RGS6: variants seen among roughly 807,000 people sequenced by gnomAD.
RGS6 encodes the protein regulator of G-protein signaling 6.
A neutral mutation model predicts 78.5 loss-of-function variants in RGS6; 30 were observed. The observed-to-expected ratio is 0.38, with a 90% confidence interval of 0.29 to 0.52. The LOEUF is 0.52. Among genes scored for constraint, RGS6 ranks in the 20% least tolerant of loss-of-function variants. RGS6 has a pLI of 0.85. For missense variants in RGS6, 495 were observed against 609.7 expected (o/e 0.81, Z 1.98); for synonymous variants, 206 against 206.0 (o/e 1.00, Z 0.00).
At chr14:72,628,809 A>G in the RGS6 span, among the ~76,000 whole-genome samples, 1 of 152,348 alleles carries the variant, frequency 6.6e-6, no homozygotes, top group African/African-American at 2.4e-5. Flanking sequence ...TACTCAGTCA[A>G]ATACAGTCAT....
intron 2 of RGS6, among the ~76,000 whole-genome samples, chr14:72,111,246 A>C (rs1331891329): frequency 6.6e-6 from 1 of 152,220 alleles, no homozygotes; most frequent in East Asian, 1.9e-4. Context: ...AAAGTAAATG[A>C]CATCCAACTC....
intron 2 of RGS6, among the ~76,000 whole-genome samples, chr14:72,176,623 A>C (rs2153691856): frequency 6.6e-6 from 1 of 152,340 alleles, no homozygotes; most frequent in South Asian, 2.1e-4. Flanking sequence ...TCGGCTTGGA[A>C]GTGAGGGAGG....
intron 2 of RGS6, among the ~76,000 whole-genome samples, chr14:72,074,668 A>G (rs1859911): frequency 0.7 from 106,193 of 151,978 alleles, 37,258 homozygotes; most frequent in East Asian, 0.81. Flanking sequence ...TACATGCTCA[A>G]TGCTATTTTT....
the RGS6 span, among the ~76,000 whole-genome samples, chr14:72,613,051 C>A: frequency 1.3e-5 from 2 of 151,706 alleles, no homozygotes; most frequent in Non-Finnish European, 2.9e-5. Context: ...CGTGCACGCA[C>A]GCGCATGCAC....
rs1292622075 is a variant in RGS6 at position 72,310,291 on chromosome 14, C to T, written c.85-41804C>T. Among the ~76,000 whole-genome samples the T allele has an allele frequency of 4.6e-5, 7 of 152,230 alleles. No homozygotes were observed. The East Asian group carries it at 1.2e-3, about 25-fold the overall frequency. On this transcript the variant is annotated intron_variant, in intron 2 of 17. Transcript: ENST00000553525. ...AGCAGCAGCGGCGTCAGCCGCTGGT[C>T]TTGAGGAGGGTTTGTTTCTCTCCTC...
At chr14:72,488,398 T>C (rs930888875) in intron 12 of RGS6, among the ~76,000 whole-genome samples, 8 of 152,214 alleles carry the variant, frequency 5.3e-5, no homozygotes, top group Non-Finnish European at 2.9e-5. Context: ...TTTGCTCTTA[T>C]GTTGGGTGGT....
At chr14:72,024,580 C>T (rs1221778998) in intron 2 of RGS6, among the ~76,000 whole-genome samples, 1 of 152,114 alleles carries the variant, frequency 6.6e-6, no homozygotes, top group African/African-American at 2.4e-5. Context: ...AAACTTGGTA[C>T]CCCTGTGTAT....
At chr14:72,145,160 A>G (rs774932098) in intron 2 of RGS6, among the ~76,000 whole-genome samples, 1 of 152,184 alleles carries the variant, frequency 6.6e-6, no homozygotes, top group Admixed American at 6.5e-5. Context: ...AGGTTTTACA[A>G]TAGTGATGTT....
chr14:72,599,336 A>G, the RGS6 span, among the ~76,000 whole-genome samples: 1 of 150,638 alleles, frequency 6.6e-6, no homozygotes, highest in Non-Finnish European at 1.5e-5. Flanking sequence ...ACTGACTCCT[A>G]AGGTTCCTTC....
chr14:72,242,839 CTTTTTTTTTT>C (rs35675211), intron 2 of RGS6, among the ~76,000 whole-genome samples: 4 of 69,136 alleles, frequency 5.8e-5, no homozygotes, highest in Non-Finnish European at 7.5e-5. Context: ...CATTTCTTTT[CTTTTTTTTTT>C]TTTTTTTTTT....
At chr14:72,254,900 T>C (rs916238389) in intron 2 of RGS6, among the ~76,000 whole-genome samples, 1 of 152,178 alleles carries the variant, frequency 6.6e-6, no homozygotes, top group African/African-American at 2.4e-5. Context: ...AGTCTCAGAG[T>C]TGTTCTTTAT....
intron 7 of RGS6, among the ~76,000 whole-genome samples, chr14:72,468,755 A>G (rs1251864617): frequency 6.6e-6 from 1 of 152,166 alleles, no homozygotes; most frequent in East Asian, 1.9e-4. Context: ...CTAGAATTCT[A>G]TGCTATGACT....
At chr14:72,278,058 A>C (rs1430108600) in intron 2 of RGS6, among the ~76,000 whole-genome samples, 1 of 152,138 alleles carries the variant, frequency 6.6e-6, no homozygotes, top group Non-Finnish European at 1.5e-5. Context: ...GTGTCCTTTG[A>C]TAGGAGGATG....
rs1024006945 is a variant in RGS6, at chr14:72,101,217, C to G, written c.84+136342C>G. ...AAAAACCTTTGTGTCCACAGATATT[C>G]TAATTTGTGGCCAGGTCTGACAGCC... On this transcript the variant is annotated intron_variant, in intron 2 of 17. Transcript: ENST00000553525. Among the ~76,000 whole-genome samples the G allele has an allele frequency of 9.2e-5, 14 of 152,288 alleles. No homozygotes were observed. In the East Asian group the frequency reaches 2.5e-3, roughly 27 times the overall value.
At chr14:72,448,938 A>T (rs2095430444) in intron 3 of RGS6, among the ~76,000 whole-genome samples, 1 of 152,184 alleles carries the variant, frequency 6.6e-6, no homozygotes, top group African/African-American at 2.4e-5. Flanking sequence ...GGACACAATT[A>T]TTGTCAAGAT....
intron 15 of RGS6, among the ~76,000 whole-genome samples, chr14:72,527,261 A>G (rs2097130757): frequency 6.6e-6 from 1 of 152,228 alleles, no homozygotes; most frequent in Non-Finnish European, 1.5e-5. Flanking sequence ...AGGACTCAAG[A>G]GGAGGCTCCT....
intron 2 of RGS6, among the ~76,000 whole-genome samples, chr14:72,245,663 T>C (rs571244978): frequency 2.6e-5 from 4 of 152,362 alleles, no homozygotes; most frequent in South Asian, 2.1e-4. Context: ...ATGGTCATTA[T>C]GGACATGTTA....
At position 72,171,175 on chromosome 14, in the gene RGS6, GA is replaced by G. The variant is rs147832691; in HGVS notation, c.85-180912del. 1.2e-3 allele frequency among the ~76,000 whole-genome samples: 181 copies of G among 151,704 alleles called. 1 individual carries two copies. The highest frequency in any genetic ancestry group is 4.1e-3 in the African/African-American group (169 of 41,358). ...ACATACATGCACACGTGCTGAGGAG[GA>G]AAAAAAAGCTGAAGGGATTTTGTCT... On this transcript the variant is annotated intron_variant, in intron 2 of 17. Coordinates refer to ENST00000553525, the MANE Select transcript of RGS6 (RefSeq NM_001204424.2).
chr14:72,074,656 T>A (rs754119862), intron 2 of RGS6, among the ~76,000 whole-genome samples: 1 of 152,088 alleles, frequency 6.6e-6, no homozygotes, highest in African/African-American at 2.4e-5. Context: ...TTTCCGAGCA[T>A]CTACATGCTC....
Sources: allele counts gnomAD v4.1 joint callset (sites outside exome capture counted in the v4.1 genomes callset), GRCh38; gene constraint gnomAD v4.1.1; transcripts MANE v1.5; gene names NCBI Gene and HGNC (gene_info 2026-07-23, HGNC 2026-07-21).